The following GPR107 variants were observed in gnomAD, a reference collection of about 807,000 sequenced individuals.
GPR107 encodes G protein-coupled receptor 107.
A neutral mutation model predicts 75.5 loss-of-function variants in GPR107; 31 were observed. The ratio of observed to expected loss-of-function variants is 0.41; its 90% CI spans 0.31 to 0.55. The LOEUF (loss-of-function observed/expected upper bound fraction) is 0.55. Ranked by LOEUF, GPR107 falls within the 20% of genes least tolerant of loss-of-function variation. The pLI is 0.26. For missense variants in GPR107, 572 were observed against 665.7 expected, an observed-to-expected ratio of 0.86 and a Z score of 1.55; for synonymous variants, 267 against 251.3, an observed-to-expected ratio of 1.06 and a Z score of -0.59.
rs190654282 is a variant in GPR107, at chr9:130,054,354, C to A, written c.141+281C>A. On this transcript the variant is annotated intron_variant, in intron 1 of 17. Transcript: ENST00000347136. ...CGGACTCGGGAGGCTGCTCTTAAAT[C>A]CCTGCTGGCTTCCCTGAATTCCTCA... 9.8e-5 allele frequency among the ~76,000 whole-genome samples: 15 copies of A among 152,312 alleles called. No homozygotes were observed. In the East Asian group the frequency reaches 2.9e-3, roughly 29 times the overall value.
chr9:130,128,855 C>G (rs956510199), intron 17 of GPR107, 94 bp downstream of exon 17: 3 of 1,184,612 alleles, frequency 2.5e-6, no homozygotes, highest in Middle Eastern at 2.3e-4. Flanking sequence ...CTCAGCATTT[C>G]GTGGCTGCAG....
rs1323566700 is a variant in GPR107 at position 130,137,756 on chromosome 9, T to C, written c.*2635T>C. 1 of 152,242 alleles carries C rather than the reference T, an allele frequency of 6.6e-6. No homozygotes were observed. Among genetic ancestry groups the C allele is most frequent in the Admixed American group, 6.5e-5 (1 of 15,278 alleles). 9.4% of individuals were successfully genotyped at this position (152,242 alleles called of 1,614,324 possible). Reference sequence around the variant, plus strand: ...GGCTTCACCAGCTGACAAGCCACCCTCCTGCAGCCTGAGTTTCACAGTCCA... The same window carrying C: ...GGCTTCACCAGCTGACAAGCCACCCCCCTGCAGCCTGAGTTTCACAGTCCA... On this transcript the variant is annotated 3_prime_UTR_variant, in exon 18 of 18. Transcript: ENST00000347136.
chr9:130,102,888 A>G (rs938231935), intron 12 of GPR107, among the ~76,000 whole-genome samples: 1 of 151,998 alleles, frequency 6.6e-6, no homozygotes, highest in Admixed American at 6.6e-5. Context: ...GGCTCAGGCG[A>G]TCCTCCTGCC....
At position 130,106,473 on chromosome 9, in the gene GPR107, T is replaced by C. The variant is rs190101111; in HGVS notation, c.1263-1023T>C. On this transcript the variant is annotated intron_variant, in intron 13 of 17. Transcript: ENST00000347136. ...TTAGCTGGGCGTGGTAGCATGTGCCTGTAGTCCCAGCTACTCGGGAGGCTG... is the reference window on the plus strand; with the variant it reads ...TTAGCTGGGCGTGGTAGCATGTGCCCGTAGTCCCAGCTACTCGGGAGGCTG... Among the ~76,000 whole-genome samples, 500 of 152,044 alleles carry C rather than the reference T, an allele frequency of 3.3e-3. 10 individuals are homozygous for C. The highest frequency in any genetic ancestry group is 0.028 in the Admixed American group (422 of 15,270).
intron 1 of GPR107, among the ~76,000 whole-genome samples, chr9:130,074,358 C>T (rs576632495): frequency 2.3e-4 from 35 of 152,258 alleles, no homozygotes; most frequent in African/African-American, 7.7e-4. Flanking sequence ...GTCCAGGAAA[C>T]CCCAAATCTA....
chr9:130,109,345 G>T (rs1484039766), intron 14 of GPR107, among the ~76,000 whole-genome samples: 1 of 151,520 alleles, frequency 6.6e-6, no homozygotes, highest in Non-Finnish European at 1.5e-5. Flanking sequence ...TAATTTTTGT[G>T]TTTTTAGTAC....
rs372520509 is a variant in GPR107 at position 130,064,206 on chromosome 9, TTTG to T, written c.141+10134_141+10136del. ...TTTTCTTTTTTTTTTTTTTTTTTTT[TTTG>T]AGACGGAGTCTCGCTCTGTCGCCCA... On this transcript the variant is annotated intron_variant, in intron 1 of 17. Coordinates refer to ENST00000347136, the MANE Select transcript of GPR107 (RefSeq NM_020960.5). 8.3e-4 allele frequency among the ~76,000 whole-genome samples: 79 copies of T among 95,482 alleles called. 1 individual carries two copies. Among genetic ancestry groups the T allele is most frequent in the East Asian group, 2.5e-3 (7 of 2,752 alleles). The allele number at this position is 95,482 out of a possible 152,430, so 62.6% of individuals were successfully genotyped here. A position where few individuals can be genotyped will look rare whatever the true frequency, so the allele number is the denominator to read the frequency against.
chr9:130,072,997 A>G (rs1457301135), intron 1 of GPR107, among the ~76,000 whole-genome samples: 7 of 152,196 alleles, frequency 4.6e-5, no homozygotes, highest in Non-Finnish European at 1.0e-4. Flanking sequence ...AGCCCGCAGG[A>G]AATGAGGCAG....
At chr9:130,060,402 G>GGTTTT (rs1442738529) in intron 1 of GPR107, among the ~76,000 whole-genome samples, 2 of 75,894 alleles carry the variant, frequency 2.6e-5, no homozygotes, top group African/African-American at 1.2e-4. Flanking sequence ...GATAATCCGA[G>GGTTTT]TTTTTTTTTT....
intron 9 of GPR107, among the ~76,000 whole-genome samples, chr9:130,098,044 G>C (rs768968107): frequency 2.6e-5 from 4 of 152,058 alleles, no homozygotes; most frequent in African/African-American, 4.8e-5. Flanking sequence ...GCCACACCCA[G>C]CTAACTTTTT....
At chr9:130,114,029 C>CTTTT (rs60616601) in intron 14 of GPR107, among the ~76,000 whole-genome samples, 55 of 90,652 alleles carry the variant, frequency 6.1e-4, no homozygotes, top group Admixed American at 8.2e-4. Context: ...TCTTCTCATT[C>CTTTT]TTTTTTTTTT....
chr9:130,064,444 C>G (rs1830019386), intron 1 of GPR107, among the ~76,000 whole-genome samples: 1 of 150,546 alleles, frequency 6.6e-6, no homozygotes, highest in African/African-American at 2.4e-5. Context: ...TCATGATCCA[C>G]CCGCCTCGGC....
At chr9:130,071,787 G>A (rs947316382) in intron 1 of GPR107, among the ~76,000 whole-genome samples, 5 of 151,832 alleles carry the variant, frequency 3.3e-5, no homozygotes, top group Admixed American at 6.6e-5. Flanking sequence ...AGGTTCAGGC[G>A]ATTCTCCTGC....
intron 14 of GPR107, among the ~76,000 whole-genome samples, chr9:130,121,797 C>T (rs957563385): frequency 6.6e-6 from 1 of 152,218 alleles, no homozygotes; most frequent in Admixed American, 6.5e-5. Flanking sequence ...ATGACACTTC[C>T]TTGTCTGGCT....
chr9:130,064,796 A>G (rs915337396), intron 1 of GPR107, among the ~76,000 whole-genome samples: 1 of 152,156 alleles, frequency 6.6e-6, no homozygotes, highest in African/African-American at 2.4e-5. Context: ...GCACACACAG[A>G]GGGAAGAAGG....
At chr9:130,113,587 A>AT (rs1388691143) in intron 14 of GPR107, among the ~76,000 whole-genome samples, 8 of 152,196 alleles carry the variant, frequency 5.3e-5, no homozygotes, top group East Asian at 1.9e-4. Flanking sequence ...TAACAATGTG[A>AT]TTTTTTTAAG....
chr9:130,078,607 G>A (rs530272227), intron 4 of GPR107, among the ~76,000 whole-genome samples: 6 of 152,320 alleles, frequency 3.9e-5, no homozygotes, highest in East Asian at 1.9e-4. Context: ...AGACAGGCCT[G>A]CGGTGGCTTG....
chr9:130,088,331 G>A (rs1034260349), intron 7 of GPR107, among the ~76,000 whole-genome samples: 4 of 152,180 alleles, frequency 2.6e-5, no homozygotes, highest in African/African-American at 7.2e-5. Context: ...TCAGAATTCC[G>A]TAAGTCTTTG....
At chr9:130,126,008 T>G (rs1438561490) in intron 15 of GPR107, among the ~76,000 whole-genome samples, 1 of 147,876 alleles carries the variant, frequency 6.8e-6, no homozygotes, top group Non-Finnish European at 1.5e-5. Context: ...TAAGCCGAGA[T>G]AGAGTGCCAC....
Sources: allele counts gnomAD v4.1 joint callset (sites outside exome capture counted in the v4.1 genomes callset), GRCh38; gene constraint gnomAD v4.1.1; transcripts MANE v1.5; gene names NCBI Gene and HGNC (gene_info 2026-07-23, HGNC 2026-07-21).